MED12L: variants seen among roughly 807,000 people sequenced by gnomAD.
MED12L encodes the protein mediator complex subunit 12L.
A neutral mutation model predicts 281.3 loss-of-function variants in MED12L; 60 were observed. That is an observed-to-expected ratio of 0.21 (90% CI 0.17 to 0.26). The LOEUF is 0.26. Ranked by LOEUF, MED12L falls within the 10% of genes least tolerant of loss-of-function variation. The pLI, the probability that MED12L is intolerant of heterozygous loss-of-function variation, is 1.00. For synonymous variants in MED12L, 974 were observed against 987.2 expected (o/e 0.99, Z 0.25); for missense variants, 2,146 against 2,680.9 (o/e 0.80, Z 4.41).
At chr3:151,266,639 T>G (rs10513391) in intron 16 of MED12L, among the ~76,000 whole-genome samples, 41,107 of 152,032 alleles carry the variant, frequency 0.27, 5,813 homozygotes, top group South Asian at 0.31. Flanking sequence ...TTTAAGTAAA[T>G]GAAGGAGTGG....
intron 13 of MED12L, 122 bp from the exon 14 acceptor site, chr3:151,190,595 A>G (rs113010938): frequency 2.1e-5 from 19 of 895,232 alleles, no homozygotes; most frequent in African/African-American, 1.3e-4. Context: ...AAATCTTCCA[A>G]TAGATCTTTT....
At chr3:151,098,428 A>G (rs1325566711) in intron 2 of MED12L, among the ~76,000 whole-genome samples, 1 of 152,186 alleles carries the variant, frequency 6.6e-6, no homozygotes, top group Non-Finnish European at 1.5e-5. Flanking sequence ...GAGGCCAGAA[A>G]TCTGAAATCT....
rs773373982 is a variant in MED12L, at chr3:151,296,535, C to T, written c.2251-53524C>T. On this transcript the variant is annotated intron_variant, in intron 16 of 44. Coordinates refer to ENST00000687756, the MANE Select transcript of MED12L (RefSeq NM_001393769.1). ...GGCTGGAGGAGTACTTACCAGTCTT[C>T]AAACCTTTTCTTTGAACTTTCTTCA... is the stretch of plus-strand genomic sequence containing the variant. 2.1e-4 allele frequency among the ~76,000 whole-genome samples: 32 copies of T among 152,086 alleles called. 1 individual carries two copies. In the South Asian group the frequency reaches 2.3e-3, roughly 11 times the overall value.
At chr3:151,424,565 G>A (rs981090427) in intron 43 of MED12L, among the ~76,000 whole-genome samples, 5 of 152,210 alleles carry the variant, frequency 3.3e-5, no homozygotes, top group African/African-American at 1.2e-4. Context: ...AGCTTGCAGT[G>A]AGCCGAGATT....
intron 39 of MED12L, among the ~76,000 whole-genome samples, chr3:151,399,517 A>AT (rs1288779090): frequency 6.6e-6 from 1 of 152,166 alleles, no homozygotes; most frequent in Non-Finnish European, 1.5e-5. Flanking sequence ...CCTAATTGTC[A>AT]TTTTAGCTTC....
intron 16 of MED12L, among the ~76,000 whole-genome samples, chr3:151,199,979 C>A (rs934079176): frequency 2.7e-5 from 4 of 150,832 alleles, no homozygotes; most frequent in African/African-American, 7.3e-5. Context: ...AGAAAAAAAC[C>A]AAAAAAACAA....
chr3:151,122,832 C>T lies in MED12L; in HGVS notation c.254C>T (p.Thr85Ile). The T allele has an allele frequency of 6.2e-7, 1 of 1,611,242 alleles. No homozygotes were observed. Among genetic ancestry groups the T allele is most frequent in the Non-Finnish European group, 8.5e-7 (1 of 1,178,694 alleles). ...TTAGCTGAGAAACTGAAGCTTAACA[C>T]TTTCCAGGACACGGGAAAGAAGAAA... Reference protein sequence around the residue: ...SILAEKLKLNTFQDTGKKKPQ... With the variant: ...SILAEKLKLNIFQDTGKKKPQ... The change falls in exon 4 of 45, where the codon ACT becomes ATT. Residue 85 changes from threonine to isoleucine, a missense_variant. Thr to Ile is a moderately conservative substitution (Grantham distance 89, BLOSUM62 -1). This residue lies in a region of MED12L where 722 missense variants were observed against 861.2 expected (regional missense o/e 0.84). Transcript: ENST00000687756.
chr3:151,399,966 A>G (rs965310458), intron 39 of MED12L, among the ~76,000 whole-genome samples: 4 of 152,140 alleles, frequency 2.6e-5, no homozygotes, highest in African/African-American at 9.7e-5. Context: ...AGCTGGGACT[A>G]CAGGCATGCA....
intron 10 of MED12L, 55 bp downstream of exon 10, chr3:151,165,574 T>C: frequency 2.1e-6 from 3 of 1,448,346 alleles, no homozygotes; most frequent in Non-Finnish European, 1.9e-6. Flanking sequence ...TTATGCTGTG[T>C]TTTTGCTTCT....
At position 151,367,543 on chromosome 3, in the gene MED12L, A is replaced by C. The variant is rs539284350; in HGVS notation, c.3328-103A>C. 7 of 1,025,418 alleles carry C rather than the reference A, an allele frequency of 6.8e-6. No homozygotes were observed. The African/African-American group carries it at 1.1e-4, about 17-fold the overall frequency. The allele number at this position is 1,025,418 out of a possible 1,614,324, so 63.5% of individuals were successfully genotyped here. The stretch of plus-strand genomic sequence containing the variant: ...TTTCCCTCTGCTGGTTCATGTTGGG[A>C]TTTGAGATCTTATTGGTATTGCCTG... On this transcript the variant is annotated intron_variant, in intron 23 of 44. Transcript: ENST00000687756.
intron 16 of MED12L, among the ~76,000 whole-genome samples, chr3:151,343,605 ATC>A (rs1487610625): frequency 1.3e-5 from 2 of 150,208 alleles, no homozygotes; most frequent in Non-Finnish European, 3.0e-5. Flanking sequence ...AGATACTTTA[ATC>A]TCTCATTAGT....
intron 16 of MED12L, among the ~76,000 whole-genome samples, chr3:151,323,989 G>A (rs1036489577): frequency 1.3e-5 from 2 of 152,086 alleles, no homozygotes; most frequent in East Asian, 3.9e-4. Flanking sequence ...CTCCCTAGTG[G>A]GGCCTTTGAG....
At position 151,334,173 on chromosome 3, in the gene MED12L, A is replaced by G. The variant is rs866856715; in HGVS notation, c.2251-15886A>G. Among the ~76,000 whole-genome samples, 4 of 97,576 alleles carry G rather than the reference A, an allele frequency of 4.1e-5. No homozygotes were observed. The South Asian group carries it at 1.4e-3, about 34-fold the overall frequency. The allele number at this position is 97,576 out of a possible 152,430, so 64.0% of individuals were successfully genotyped here. ...AATTTATTTCCTTATTGGTGATGTT[A>G]TGTGTTTTTTCTTTCTTTCTTTCTT... On this transcript the variant is annotated intron_variant, in intron 16 of 44. Transcript: ENST00000687756.
At position 151,376,862 on chromosome 3, in the gene MED12L, C is replaced by T. The variant is rs1756915501; in HGVS notation, c.4116C>T (p.Cys1372=). The T allele has an allele frequency of 8.7e-6, 14 of 1,613,736 alleles. No individual in the cohort carries two copies. The highest frequency in any genetic ancestry group is 1.2e-5 in the Non-Finnish European group (14 of 1,179,858). The change falls in exon 29 of 45, where the codon TGC becomes TGT. Residue 1372 remains cysteine (C), a synonymous_variant. Coordinates refer to ENST00000687756, the MANE Select transcript of MED12L (RefSeq NM_001393769.1). ...AACTCCAGCTAATGATCAAACAGTG[C>T]TTGAAGGACCCTGTGAGTTTATATT... ...WLELQLMIKQ[C]LKDPGSGSVA...
At chr3:151,268,925 A>C (rs768721549) in intron 16 of MED12L, among the ~76,000 whole-genome samples, 1 of 152,198 alleles carries the variant, frequency 6.6e-6, no homozygotes, top group Non-Finnish European at 1.5e-5. Context: ...AAAAAAAATT[A>C]AGTTTTCTGA....
At chr3:151,248,416 G>A (rs1736179332) in intron 16 of MED12L, among the ~76,000 whole-genome samples, 1 of 152,036 alleles carries the variant, frequency 6.6e-6, no homozygotes, top group Non-Finnish European at 1.5e-5. Context: ...AGCATTTTGT[G>A]CTTTTAAACC....
At chr3:151,147,730 A>G (rs149506053) in intron 5 of MED12L, among the ~76,000 whole-genome samples, 9 of 152,326 alleles carry the variant, frequency 5.9e-5, no homozygotes, top group African/African-American at 1.7e-4. Flanking sequence ...CATTGTATGC[A>G]TATGCCACAT....
At chr3:151,265,406 TTC>T (rs1739648230) in intron 16 of MED12L, among the ~76,000 whole-genome samples, 1 of 152,214 alleles carries the variant, frequency 6.6e-6, no homozygotes. Flanking sequence ...ACAGACTGAT[TTC>T]TCTTTTTTGA....
chr3:151,305,828 T>C (rs1746564736), intron 16 of MED12L, among the ~76,000 whole-genome samples: 1 of 152,096 alleles, frequency 6.6e-6, no homozygotes, highest in Non-Finnish European at 1.5e-5. Context: ...AAACTAGAGG[T>C]CTAGTTTTAT....
Sources: gnomAD v4.1 joint callset for allele counts (sites outside exome capture counted in the v4.1 genomes callset) on GRCh38, gnomAD v4.1.1 for gene constraint, gnomAD v4.1.1 regional missense constraint, MANE v1.5 for transcripts, NCBI Gene and HGNC (gene_info 2026-07-23, HGNC 2026-07-21) for gene names.